Variants in TMEM131 observed in about 807,000 individuals in gnomAD.
TMEM131 encodes 2610524E03Rik.
In TMEM131, 66 loss-of-function variants were observed where a neutral mutation model predicts 211.6. The observed-to-expected ratio is 0.31, with a 90% CI of 0.26 to 0.38. The LOEUF (loss-of-function observed/expected upper bound fraction) is 0.38. TMEM131 is among the 10% of genes least tolerant of loss of function. The pLI, the probability that TMEM131 is intolerant of heterozygous loss-of-function variation, is 1.00. For missense variants in TMEM131, 2,036 were observed against 2,299.3 expected (o/e 0.89, Z 2.34); for synonymous variants, 844 against 841.3 (o/e 1.00, Z -0.06).
intron 11 of TMEM131, among the ~76,000 whole-genome samples, chr2:97,824,658 A>C (rs1044302390): frequency 6.6e-6 from 1 of 152,222 alleles, no homozygotes; most frequent in Non-Finnish European, 1.5e-5. Context: ...TCAACCCTGA[A>C]GTCTCTGCAT....
chr2:97,845,860 C>A lies in TMEM131; in HGVS notation c.484-1599G>T, dbSNP rs1234776216. 8.6e-5 allele frequency among the ~76,000 whole-genome samples: 13 copies of A among 150,700 alleles called. No individual in the cohort carries two copies. The South Asian group carries it at 2.7e-3, about 31-fold the overall frequency. On this transcript the variant is annotated intron_variant, in intron 5 of 40. Coordinates refer to ENST00000186436, the MANE Select transcript of TMEM131 (RefSeq NM_015348.2). ...GTGACTGTGATAAAAAGGGAGAAGT[C>A]AAAAATATAAGGAACTAAAATGTGG...
At chr2:97,777,914 C>T (rs1679814614) in intron 31 of TMEM131, among the ~76,000 whole-genome samples, 1 of 152,226 alleles carries the variant, frequency 6.6e-6, no homozygotes, top group African/African-American at 2.4e-5. Flanking sequence ...TTCTCCCCAT[C>T]ATGGTAGACA....
chr2:97,843,669 A>G (rs1209265589), intron 6 of TMEM131, among the ~76,000 whole-genome samples: 1 of 152,184 alleles, frequency 6.6e-6, no homozygotes, highest in Non-Finnish European at 1.5e-5. Flanking sequence ...ATCTTGATTC[A>G]CAAACAGAAT....
At chr2:97,977,903 T>C (rs796369034) in intron 1 of TMEM131, among the ~76,000 whole-genome samples, 17 of 151,982 alleles carry the variant, frequency 1.1e-4, no homozygotes, top group African/African-American at 3.1e-4. Context: ...CTGGCCAACA[T>C]AGTGAAACCC....
rs906548863 is a variant in TMEM131 at position 97,766,396 on chromosome 2, C to T, written c.4573+82G>A. 3.1e-6 allele frequency: 5 copies of T among 1,603,460 alleles called. No homozygotes were observed. The Admixed American group carries it at 8.4e-5, about 27-fold the overall frequency. ...ATGACTAATAACTACTGACTGCTTA[C>T]TGATAATGCACAACAATTGTTAATA... On this transcript the variant is annotated intron_variant, in intron 34 of 40. Transcript: ENST00000186436.
At chr2:97,961,648 C>T (rs1503200) in intron 1 of TMEM131, among the ~76,000 whole-genome samples, 11 of 152,056 alleles carry the variant, frequency 7.2e-5, no homozygotes, top group Non-Finnish European at 5.9e-5. Flanking sequence ...AAAAGACTGC[C>T]GTAACCAAGC....
At chr2:97,991,842 C>T (rs538388700) in intron 1 of TMEM131, among the ~76,000 whole-genome samples, 1 of 152,324 alleles carries the variant, frequency 6.6e-6, no homozygotes, top group South Asian at 2.1e-4. Flanking sequence ...TGGCTTATTG[C>T]TACTCTGGAT....
At chr2:97,843,066 T>TA (rs750074318) in intron 6 of TMEM131, among the ~76,000 whole-genome samples, 53,712 of 134,370 alleles carry the variant, frequency 0.4, 10,454 homozygotes, top group Non-Finnish European at 0.44. Flanking sequence ...AGGAAATGTT[T>TA]AAAAAAAAAA....
At chr2:97,826,325 C>G (rs1369766221) in intron 11 of TMEM131, among the ~76,000 whole-genome samples, 1 of 152,214 alleles carries the variant, frequency 6.6e-6, no homozygotes, top group Non-Finnish European at 1.5e-5. Flanking sequence ...AGCAAGTATG[C>G]TTATCTATTC....
chr2:97,940,368 C>T (rs1025873179), intron 1 of TMEM131, among the ~76,000 whole-genome samples: 1 of 152,158 alleles, frequency 6.6e-6, no homozygotes, highest in Non-Finnish European at 1.5e-5. Flanking sequence ...CACTCCTATA[C>T]ACCAATAAGA....
chr2:97,979,532 TTA>T (rs1219722645), intron 1 of TMEM131, among the ~76,000 whole-genome samples: 1 of 152,202 alleles, frequency 6.6e-6, no homozygotes, highest in Non-Finnish European at 1.5e-5. Context: ...ACCTTGCACT[TTA>T]TGTGATGAAA....
At chr2:97,829,441 C>G (rs893583477) in intron 11 of TMEM131, among the ~76,000 whole-genome samples, 1 of 152,160 alleles carries the variant, frequency 6.6e-6, no homozygotes, top group African/African-American at 2.4e-5. Context: ...AATCAGCACT[C>G]TGTAAAAATG....
At chr2:97,830,656 C>T (rs1015650076) in intron 11 of TMEM131, among the ~76,000 whole-genome samples, 1 of 152,218 alleles carries the variant, frequency 6.6e-6, no homozygotes, top group Admixed American at 6.5e-5. Flanking sequence ...TGCAAACATT[C>T]CTCTGAAGGC....
chr2:97,940,012 G>T (rs1460509249), intron 1 of TMEM131, among the ~76,000 whole-genome samples: 6 of 152,106 alleles, frequency 3.9e-5, no homozygotes, highest in Admixed American at 3.9e-4. Context: ...AGGTATTGAT[G>T]GGACATATCT....
At chr2:97,935,673 C>T (rs1183040302) in intron 1 of TMEM131, among the ~76,000 whole-genome samples, 1 of 152,060 alleles carries the variant, frequency 6.6e-6, no homozygotes, top group Non-Finnish European at 1.5e-5. Flanking sequence ...AAAAAAGCAA[C>T]AGAGGTACTG....
intron 1 of TMEM131, among the ~76,000 whole-genome samples, chr2:97,985,589 A>G (rs1573655279): frequency 6.6e-6 from 1 of 152,086 alleles, no homozygotes; most frequent in Non-Finnish European, 1.5e-5. Context: ...AGAGGGGATG[A>G]CCTGCCAAGC....
chr2:97,985,967 G>A (rs1680010921), intron 1 of TMEM131, among the ~76,000 whole-genome samples: 1 of 149,926 alleles, frequency 6.7e-6, no homozygotes, highest in South Asian at 2.1e-4. Context: ...AAAGAGAGTT[G>A]CCTGACAGGT....
chr2:97,927,302 C>A, intron 2 of TMEM131, 124 bp downstream of exon 2: 1 of 656,774 alleles, frequency 1.5e-6, no homozygotes, highest in Non-Finnish European at 2.4e-6. Flanking sequence ...CTCTACTGAC[C>A]TATCTTCAAA....
intron 3 of TMEM131, among the ~76,000 whole-genome samples, chr2:97,901,496 G>A (rs777177542): frequency 1.3e-5 from 2 of 152,110 alleles, no homozygotes; most frequent in African/African-American, 2.4e-5. Context: ...CAGGTTTACC[G>A]TAGCACTATT....
Sources: allele counts gnomAD v4.1 joint callset (sites outside exome capture counted in the v4.1 genomes callset), GRCh38; gene constraint gnomAD v4.1.1; transcripts MANE v1.5; gene names NCBI Gene and HGNC (gene_info 2026-07-23, HGNC 2026-07-21).